Variants in RBMS1 observed in about 807,000 individuals in gnomAD.
RBMS1 encodes RNA-binding motif, single-stranded-interacting protein 1.
Under a neutral mutation model 62.3 loss-of-function variants are expected in RBMS1, and 17 were observed. That is an observed-to-expected ratio of 0.27 (90% CI 0.19 to 0.41). RBMS1 has a LOEUF of 0.41. RBMS1 is among the 10% of genes least tolerant of loss of function. RBMS1 has a pLI of 1.00. For missense variants in RBMS1, 334 were observed against 504.5 expected (o/e 0.66, Z 3.24); for synonymous variants, 172 against 170.0 (o/e 1.01, Z -0.09).
chr2:160,392,078 A>G (rs978048095), intron 1 of RBMS1, among the ~76,000 whole-genome samples: 2 of 152,196 alleles, frequency 1.3e-5, no homozygotes. Flanking sequence ...GTCAAGATTG[A>G]GCTCTTAATC....
intron 2 of RBMS1, among the ~76,000 whole-genome samples, chr2:160,344,977 T>C (rs1692095044): frequency 6.6e-6 from 1 of 152,192 alleles, no homozygotes; most frequent in African/African-American, 2.4e-5. Context: ...TTAGGTTTGG[T>C]GGTCTACATG....
At chr2:160,318,312 A>C in intron 2 of RBMS1, 85 bp from the exon 3 acceptor site, 1 of 1,434,138 alleles carries the variant, frequency 7.0e-7, no homozygotes, top group Non-Finnish European at 9.1e-7. Context: ...GCCTAAATCC[A>C]AAGAACACAC....
At chr2:160,316,457 C>A (rs1690224897) in intron 3 of RBMS1, among the ~76,000 whole-genome samples, 1 of 152,184 alleles carries the variant, frequency 6.6e-6, no homozygotes, top group African/African-American at 2.4e-5. Flanking sequence ...TGAATTAGTC[C>A]TACCCTTAGA....
At chr2:160,362,980 T>G (rs1002665030) in intron 2 of RBMS1, among the ~76,000 whole-genome samples, 2 of 152,178 alleles carry the variant, frequency 1.3e-5, no homozygotes, top group Non-Finnish European at 2.9e-5. Context: ...CAATATAAAT[T>G]AAGCTTATTC....
chr2:160,327,780 A>G (rs1424660886), intron 2 of RBMS1, among the ~76,000 whole-genome samples: 1 of 152,192 alleles, frequency 6.6e-6, no homozygotes, highest in Non-Finnish European at 1.5e-5. Flanking sequence ...TTTTGCAAGT[A>G]AAATGTATAT....
At chr2:160,326,131 G>C (rs927016352) in intron 2 of RBMS1, among the ~76,000 whole-genome samples, 4 of 152,136 alleles carry the variant, frequency 2.6e-5, no homozygotes, top group African/African-American at 7.2e-5. Flanking sequence ...AGACCTAAAG[G>C]TCAGAAACAA....
intron 1 of RBMS1, among the ~76,000 whole-genome samples, chr2:160,457,220 T>C (rs1315906514): frequency 6.6e-6 from 1 of 152,142 alleles, no homozygotes; most frequent in African/African-American, 2.4e-5. Flanking sequence ...AACCTCCCCC[T>C]CCTGGGTTCA....
At chr2:160,343,236 C>A (rs1282981727) in intron 2 of RBMS1, among the ~76,000 whole-genome samples, 16 of 152,150 alleles carry the variant, frequency 1.1e-4, no homozygotes, top group Non-Finnish European at 2.2e-4. Context: ...GTGAATATTT[C>A]TAAAAATAAA....
At chr2:160,450,874 A>G (rs1683953659) in intron 1 of RBMS1, among the ~76,000 whole-genome samples, 1 of 152,194 alleles carries the variant, frequency 6.6e-6, no homozygotes, top group Non-Finnish European at 1.5e-5. Flanking sequence ...AAACTCAAGT[A>G]TCTAAAACTA....
At position 160,327,419 on chromosome 2, in the gene RBMS1, C is replaced by T. The variant is rs113953356; in HGVS notation, c.252-9192G>A. 5.3e-3 allele frequency among the ~76,000 whole-genome samples: 811 copies of T among 152,142 alleles called. 8 individuals are homozygous for T. The highest frequency in any genetic ancestry group is 0.018 in the African/African-American group (730 of 41,438). ...ACACTAAAACTATCTCATTAAAAAT[C>T]GCTAAGATGCATTTTTTTGCCATAG... On this transcript the variant is annotated intron_variant, in intron 2 of 13. Coordinates refer to ENST00000348849, the MANE Select transcript of RBMS1 (RefSeq NM_016836.4).
At chr2:160,448,737 G>A (rs952199014) in intron 1 of RBMS1, among the ~76,000 whole-genome samples, 58 of 151,966 alleles carry the variant, frequency 3.8e-4, no homozygotes, top group African/African-American at 1.4e-3. Flanking sequence ...AGTGAGGAGC[G>A]TCTCTGCCTG....
chr2:160,455,328 C>G (rs1684173874), intron 1 of RBMS1, among the ~76,000 whole-genome samples: 1 of 152,148 alleles, frequency 6.6e-6, no homozygotes, highest in Non-Finnish European at 1.5e-5. Flanking sequence ...CAAATGTGCT[C>G]AAGTTACAAT....
In RBMS1 at chr2:160,318,229, T is replaced by TAAAAAAAAAAAAAAAAAAAAAAA. The variant is rs5835799; in HGVS notation, c.252-25_252-3dup. 31 of 1,164,704 alleles carry TAAAAAAAAAAAAAAAAAAAAAAA rather than the reference T, an allele frequency of 2.7e-5. No individual in the cohort carries two copies. The highest frequency in any genetic ancestry group is 1.1e-4 in the Admixed American group (2 of 18,084). The allele number at this position is 1,164,704 out of a possible 1,614,324, so 72.1% of individuals were successfully genotyped here. A position where few individuals can be genotyped will look rare whatever the true frequency, so the allele number is the denominator to read the frequency against. ...TTTGTGGAGACTATTTTCCCATATC[T>TAAAAAAAAAAAAAAAAAAAAAAA]AAAAAAAAAAAAAAAAAAAAAAAGG... On this transcript the variant is annotated splice_polypyrimidine_tract_variant and splice_region_variant and intron_variant, in intron 2 of 13. Transcript: ENST00000348849.
At chr2:160,398,345 C>T (rs368233497) in intron 1 of RBMS1, among the ~76,000 whole-genome samples, 40 of 152,224 alleles carry the variant, frequency 2.6e-4, no homozygotes, top group African/African-American at 9.4e-4. Flanking sequence ...ACGTATATTA[C>T]CAAGAATGAA....
intron 10 of RBMS1, among the ~76,000 whole-genome samples, chr2:160,280,121 T>C (rs567999617): frequency 3.3e-5 from 5 of 152,156 alleles, no homozygotes; most frequent in Non-Finnish European, 7.4e-5. Flanking sequence ...CCATCTGTAA[T>C]AGGAAGTCCT....
intron 6 of RBMS1, among the ~76,000 whole-genome samples, chr2:160,296,371 G>C (rs760752899): frequency 2.6e-5 from 4 of 152,096 alleles, no homozygotes; most frequent in Non-Finnish European, 4.4e-5. Context: ...TGTGCTCTCA[G>C]GTTTTAGTAT....
At position 160,490,306 on chromosome 2, in the gene RBMS1, TA is replaced by T. The variant is rs60444709; in HGVS notation, c.75+2982del. ...TGATAAGACCATCCTCACTGAGAAA[TA>T]AAAAAAAAAAACAAAAAACCAACAG... On this transcript the variant is annotated intron_variant, in intron 1 of 13. Transcript: ENST00000348849. Among the ~76,000 whole-genome samples, 1,353 of 143,990 alleles carry T rather than the reference TA, an allele frequency of 9.4e-3. 29 individuals are homozygous for T. The highest frequency in any genetic ancestry group is 0.032 in the African/African-American group (1,274 of 39,412). 94.5% of individuals were successfully genotyped at this position (143,990 alleles called of 152,430 possible). A position where few individuals can be genotyped will look rare whatever the true frequency, so the allele number is the denominator to read the frequency against.
chr2:160,353,905 C>T (rs1178991702), intron 2 of RBMS1, among the ~76,000 whole-genome samples: 1 of 151,974 alleles, frequency 6.6e-6, no homozygotes, highest in Non-Finnish European at 1.5e-5. Flanking sequence ...CCACTTAGTC[C>T]CTACAAGAAC....
intron 1 of RBMS1, among the ~76,000 whole-genome samples, chr2:160,437,185 A>T (rs1217682473): frequency 2.6e-5 from 4 of 152,162 alleles, no homozygotes; most frequent in African/African-American, 9.7e-5. Flanking sequence ...CCATCCCAGA[A>T]CTTCATGGTT....
Sources: gnomAD v4.1 joint callset for allele counts (sites outside exome capture counted in the v4.1 genomes callset) on GRCh38, gnomAD v4.1.1 for gene constraint, MANE v1.5 for transcripts, NCBI Gene and HGNC (gene_info 2026-07-23, HGNC 2026-07-21) for gene names.